KCNN3: variants seen among roughly 807,000 people sequenced by gnomAD.
The protein encoded by KCNN3 is small conductance calcium-activated potassium channel protein 3.
Under a neutral mutation model 62.9 loss-of-function variants are expected in KCNN3, and 16 were observed. The observed-to-expected ratio is 0.25, with a 90% CI of 0.17 to 0.39. KCNN3 has a LOEUF of 0.39. KCNN3 is among the 10% of genes least tolerant of loss of function. KCNN3 has a pLI of 1.00. For synonymous variants in KCNN3, 370 were observed against 389.2 expected, an observed-to-expected ratio of 0.95 and a Z score of 0.58; for missense variants, 599 against 949.4, an observed-to-expected ratio of 0.63 and a Z score of 4.85.
intron 3 of KCNN3, among the ~76,000 whole-genome samples, chr1:154,749,881 C>T (rs1647281237): frequency 6.6e-6 from 1 of 152,206 alleles, no homozygotes; most frequent in Non-Finnish European, 1.5e-5. Context: ...TCCCGGACCA[C>T]AAGCAGCCTG....
chr1:154,765,188 G>A (rs1457337606), intron 3 of KCNN3, among the ~76,000 whole-genome samples: 3 of 152,116 alleles, frequency 2.0e-5, no homozygotes, highest in Non-Finnish European at 2.9e-5. Context: ...AATCCGTTTC[G>A]ATCTGCCTAC....
At chr1:154,770,235 C>T (rs1473878437) in intron 3 of KCNN3, among the ~76,000 whole-genome samples, 4 of 152,226 alleles carry the variant, frequency 2.6e-5, no homozygotes, top group Non-Finnish European at 5.9e-5. Flanking sequence ...GAAAGGTCTT[C>T]CAACACTGCA....
intron 2 of KCNN3, among the ~76,000 whole-genome samples, chr1:154,787,245 A>C (rs1649319477): frequency 6.6e-6 from 1 of 152,248 alleles, no homozygotes; most frequent in South Asian, 2.1e-4. Flanking sequence ...GCAGAGGCCT[A>C]GGCTCCCTGT....
At chr1:154,845,434 T>G (rs898926828) in intron 1 of KCNN3, among the ~76,000 whole-genome samples, 4 of 152,170 alleles carry the variant, frequency 2.6e-5, no homozygotes, top group Non-Finnish European at 4.4e-5. Context: ...TGGAACCAGA[T>G]GCACCTGCAT....
chr1:154,783,608 G>A (rs1394238640), intron 2 of KCNN3, among the ~76,000 whole-genome samples: 2 of 152,300 alleles, frequency 1.3e-5, no homozygotes, highest in South Asian at 2.1e-4. Flanking sequence ...CTTGGGGTGG[G>A]GTCAGAGGAG....
chr1:154,853,655 C>A (rs1344175719), intron 1 of KCNN3, among the ~76,000 whole-genome samples: 1 of 152,170 alleles, frequency 6.6e-6, no homozygotes, highest in Non-Finnish European at 1.5e-5. Flanking sequence ...TTAAAATGAC[C>A]ACTCTCAGCC....
At chr1:154,781,677 G>A (rs1571269940) in intron 2 of KCNN3, among the ~76,000 whole-genome samples, 1 of 152,204 alleles carries the variant, frequency 6.6e-6, no homozygotes, top group East Asian at 1.9e-4. Context: ...TTTGGGGTCT[G>A]GTTCAAGAGG....
At chr1:154,716,576 T>C (rs1367143766) in intron 5 of KCNN3, among the ~76,000 whole-genome samples, 2 of 152,256 alleles carry the variant, frequency 1.3e-5, no homozygotes, top group African/African-American at 4.8e-5. Context: ...GATTATATTT[T>C]TCATTGGCGC....
At chr1:154,721,261 T>C (rs1236675074) in intron 5 of KCNN3, among the ~76,000 whole-genome samples, 1 of 151,462 alleles carries the variant, frequency 6.6e-6, no homozygotes, top group Non-Finnish European at 1.5e-5. Flanking sequence ...GCCAAGTGTG[T>C]CCATAGCAGC....
intron 1 of KCNN3, among the ~76,000 whole-genome samples, chr1:154,831,915 C>T (rs1651391003): frequency 6.6e-6 from 1 of 152,014 alleles, no homozygotes; most frequent in Non-Finnish European, 1.5e-5. Context: ...ACCAGGAGAT[C>T]AGCTAGTTCC....
chr1:154,867,831 C>CT (rs1653012785), intron 1 of KCNN3: 1 of 380,680 alleles, frequency 2.6e-6, no homozygotes, highest in African/African-American at 2.2e-5. Flanking sequence ...ACACACACAC[C>CT]AACAAATTGG....
chr1:154,702,700 G>GATATATATATAT lies in KCNN3; in HGVS notation c.*5264_*5275dup, dbSNP rs67091748. 1 of 43,070 alleles carries GATATATATATAT rather than the reference G, an allele frequency of 2.3e-5. No individual in the cohort carries two copies. The highest frequency in any genetic ancestry group is 6.1e-5 in the African/African-American group (1 of 16,396). The allele number at this position is 43,070 out of a possible 1,614,324, so 2.7% of individuals were successfully genotyped here. ...ACGTTGGCTGCTTCGATCTGATTCA[G>GATATATATATAT]ATATATATATATATATATATATATA... On this transcript the variant is annotated 3_prime_UTR_variant, in exon 8 of 8. Coordinates refer to ENST00000271915, the MANE Select transcript of KCNN3 (RefSeq NM_002249.6).
intron 5 of KCNN3, among the ~76,000 whole-genome samples, chr1:154,721,680 C>G (rs931688142): frequency 6.6e-6 from 1 of 152,060 alleles, no homozygotes; most frequent in African/African-American, 2.4e-5. Context: ...AGGACCACCT[C>G]TTACCCATCT....
chr1:154,796,041 T>A (rs1571284376), intron 2 of KCNN3, among the ~76,000 whole-genome samples: 1 of 152,096 alleles, frequency 6.6e-6, no homozygotes, highest in East Asian at 1.9e-4. Flanking sequence ...GCTGTGACGA[T>A]GAGGTGAGGT....
At chr1:154,780,194 CTTTTTTTTTTTT>C (rs71077969) in intron 2 of KCNN3, among the ~76,000 whole-genome samples, 1 of 102,048 alleles carries the variant, frequency 9.8e-6, no homozygotes, top group East Asian at 3.8e-4. Flanking sequence ...TTCTTTTTTT[CTTTTTTTTTTTT>C]TTTTTTTTTT....
intron 1 of KCNN3, chr1:154,868,069 G>C (rs1653022344): frequency 1.0e-6 from 1 of 985,330 alleles, no homozygotes; most frequent in South Asian, 4.7e-5. Flanking sequence ...TTCTCCATCC[G>C]GGCGCGCACT....
intron 6 of KCNN3, among the ~76,000 whole-genome samples, chr1:154,714,193 G>GGTGT (rs1304833279): frequency 0.032 from 3,534 of 109,060 alleles, no homozygotes; most frequent in African/African-American, 0.034. Flanking sequence ...GTGTGTGTGT[G>GGTGT]GTGTGTGTGT....
At chr1:154,758,453 C>G (rs896986133) in intron 3 of KCNN3, among the ~76,000 whole-genome samples, 2 of 152,240 alleles carry the variant, frequency 1.3e-5, no homozygotes, top group African/African-American at 4.8e-5. Flanking sequence ...CAGAGCCCAT[C>G]TGGGCCCGTT....
chr1:154,781,330 T>C (rs970412609), intron 2 of KCNN3, among the ~76,000 whole-genome samples: 1 of 152,212 alleles, frequency 6.6e-6, no homozygotes, highest in Admixed American at 6.5e-5. Context: ...CCTCTGGCCA[T>C]CTGTGTGTGG....
Sources: gnomAD v4.1 joint callset for allele counts (sites outside exome capture counted in the v4.1 genomes callset) on GRCh38, gnomAD v4.1.1 for gene constraint, MANE v1.5 for transcripts, NCBI Gene and HGNC (gene_info 2026-07-23, HGNC 2026-07-21) for gene names.